The following HECW1 variants were observed in gnomAD, a reference collection of about 807,000 sequenced individuals.
HECW1 encodes the protein HECT, C2 and WW domain containing E3 ubiquitin protein ligase 1.
Under a neutral mutation model 182.3 loss-of-function variants are expected in HECW1, and 61 were observed. The observed-to-expected ratio is 0.33, with a 90% CI of 0.27 to 0.41. The LOEUF (loss-of-function observed/expected upper bound fraction) is 0.41. Ranked by LOEUF, HECW1 falls within the 10% of genes least tolerant of loss-of-function variation. The pLI, the probability that HECW1 is intolerant of heterozygous loss-of-function variation, is 1.00. For missense variants in HECW1, 1,739 were observed against 2,108.9 expected (o/e 0.82, Z 3.44); for synonymous variants, 859 against 832.6 (o/e 1.03, Z -0.55).
At chr7:43,339,565 G>A (rs1285621020) in intron 5 of HECW1, among the ~76,000 whole-genome samples, 1 of 152,110 alleles carries the variant, frequency 6.6e-6, no homozygotes, top group Non-Finnish European at 1.5e-5. Flanking sequence ...TCAGCATCAG[G>A]ATTCTGTTTC....
chr7:43,488,434 G>GAGAAGAAAGAAAGAA (rs1554440500), intron 17 of HECW1, among the ~76,000 whole-genome samples: 6 of 93,082 alleles, frequency 6.4e-5, no homozygotes, highest in African/African-American at 2.2e-4. Context: ...AAGAAAGAAA[G>GAGAAGAAAGAAAGAA]AGAAAGAAAG....
At chr7:43,289,635 G>A (rs1267246413) in intron 3 of HECW1, among the ~76,000 whole-genome samples, 2 of 152,200 alleles carry the variant, frequency 1.3e-5, no homozygotes, top group Non-Finnish European at 2.9e-5. Context: ...CCCATAGGTG[G>A]TCTTATTAAC....
chr7:43,565,315 T>G lies in HECW1; in HGVS notation c.*3389T>G, dbSNP rs898457216. 9.7e-6 allele frequency: 2 copies of G among 206,850 alleles called. No individual in the cohort carries two copies. The highest frequency in any genetic ancestry group is 1.5e-3 in the Middle Eastern group (1 of 662). The allele number at this position is 206,850 out of a possible 1,614,324, so 12.8% of individuals were successfully genotyped here. On this transcript the variant is annotated 3_prime_UTR_variant, in exon 30 of 30. Coordinates refer to ENST00000395891, the MANE Select transcript of HECW1 (RefSeq NM_015052.5). Reference sequence around the variant, plus strand: ...GAGCAGGCGTTAAACATGCAAGATCTAAATTTTCTTTTAATACATGACCAT... The same window carrying G: ...GAGCAGGCGTTAAACATGCAAGATCGAAATTTTCTTTTAATACATGACCAT...
intron 2 of HECW1, among the ~76,000 whole-genome samples, chr7:43,208,286 A>T (rs1188249291): frequency 1.3e-5 from 2 of 152,130 alleles, no homozygotes; most frequent in African/African-American, 4.8e-5. Flanking sequence ...TAGACATTTC[A>T]TTGTAGAATT....
chr7:43,143,282 TC>T (rs1255958783), intron 2 of HECW1, among the ~76,000 whole-genome samples: 1 of 151,954 alleles, frequency 6.6e-6, no homozygotes, highest in Non-Finnish European at 1.5e-5. Flanking sequence ...AGGCCGCCTT[TC>T]TTTTTTATAT....
intron 26 of HECW1, among the ~76,000 whole-genome samples, chr7:43,547,884 G>T (rs1585263236): frequency 6.6e-6 from 1 of 152,202 alleles, no homozygotes; most frequent in East Asian, 1.9e-4. Flanking sequence ...AAACACAGTG[G>T]AAAATATTCA....
At chr7:43,133,623 TTCTC>T (rs1023283467) in intron 2 of HECW1, among the ~76,000 whole-genome samples, 1 of 151,884 alleles carries the variant, frequency 6.6e-6, no homozygotes, top group Non-Finnish European at 1.5e-5. Context: ...CTCTCTTTCT[TTCTC>T]TGTTCCTTCC....
intron 5 of HECW1, among the ~76,000 whole-genome samples, chr7:43,346,668 A>G (rs993884958): frequency 1.3e-5 from 2 of 152,178 alleles, no homozygotes; most frequent in African/African-American, 2.4e-5. Context: ...TGATTTTTGT[A>G]TAAGGTGAGA....
At chr7:43,132,340 A>G (rs1787037136) in intron 2 of HECW1, among the ~76,000 whole-genome samples, 1 of 152,176 alleles carries the variant, frequency 6.6e-6, no homozygotes, top group Non-Finnish European at 1.5e-5. Context: ...AAAAAGTACA[A>G]TTTGTCTTCA....
At chr7:43,394,190 T>G (rs1439776341) in intron 6 of HECW1, among the ~76,000 whole-genome samples, 1 of 152,058 alleles carries the variant, frequency 6.6e-6, no homozygotes, top group South Asian at 2.1e-4. Context: ...ACTAAGGAAT[T>G]TGGAAGCCCT....
chr7:43,470,559 G>A (rs910587799), intron 16 of HECW1, among the ~76,000 whole-genome samples: 3 of 152,206 alleles, frequency 2.0e-5, no homozygotes, highest in Non-Finnish European at 4.4e-5. Flanking sequence ...GGGAAGCACA[G>A]AGATGCACTG....
intron 8 of HECW1, among the ~76,000 whole-genome samples, chr7:43,416,924 G>C (rs921354028): frequency 1.3e-5 from 2 of 152,026 alleles, no homozygotes; most frequent in Non-Finnish European, 2.9e-5. Context: ...TGCACCCACT[G>C]CCTGGCACTC....
intron 19 of HECW1, among the ~76,000 whole-genome samples, chr7:43,497,057 A>G (rs1729348837): frequency 6.6e-6 from 1 of 152,210 alleles, no homozygotes; most frequent in African/African-American, 2.4e-5. Flanking sequence ...GTTAAGTGCC[A>G]TGAAGAACAT....
chr7:43,296,584 C>T (rs1248397926), intron 3 of HECW1, among the ~76,000 whole-genome samples: 2 of 152,222 alleles, frequency 1.3e-5, no homozygotes, highest in African/African-American at 2.4e-5. Flanking sequence ...AACCCTGGTG[C>T]TCTGATGTCC....
At chr7:43,282,808 C>T (rs1804083883) in intron 3 of HECW1, among the ~76,000 whole-genome samples, 1 of 152,120 alleles carries the variant, frequency 6.6e-6, no homozygotes, top group Non-Finnish European at 1.5e-5. Context: ...ATATTCACAG[C>T]ATATCTTGAA....
chr7:43,129,730 C>A (rs564406639), intron 2 of HECW1, among the ~76,000 whole-genome samples: 2 of 152,094 alleles, frequency 1.3e-5, no homozygotes, highest in Non-Finnish European at 2.9e-5. Context: ...ACAGTTGTCC[C>A]TTGGTATCCA....
At chr7:43,253,180 A>C (rs1287213558) in intron 3 of HECW1, among the ~76,000 whole-genome samples, 3 of 152,124 alleles carry the variant, frequency 2.0e-5, no homozygotes, top group African/African-American at 7.2e-5. Context: ...CGTTTCGGGA[A>C]CCACTGGCAA....
chr7:43,274,261 C>G lies in HECW1; in HGVS notation c.27+30329C>G. On this transcript the variant is annotated intron_variant, in intron 3 of 29. Transcript: ENST00000395891. ...CTCTACTGCATGCGAATCTTTGCGC[C>G]TAAATCATGTCGTCGCCAAGTCCCG... 3 of 931,094 alleles carry G rather than the reference C, an allele frequency of 3.2e-6. No homozygotes were observed. In the East Asian group the frequency reaches 8.0e-5, roughly 25 times the overall value. The allele number at this position is 931,094 out of a possible 1,614,324, so 57.7% of individuals were successfully genotyped here. A position where few individuals can be genotyped will look rare whatever the true frequency, so the allele number is the denominator to read the frequency against.
At chr7:43,186,460 G>A (rs1042075994) in intron 2 of HECW1, among the ~76,000 whole-genome samples, 1 of 152,098 alleles carries the variant, frequency 6.6e-6, no homozygotes, top group South Asian at 2.1e-4. Flanking sequence ...GAGGTCAGGA[G>A]ATTGAGACCA....
Sources: allele counts gnomAD v4.1 joint callset (sites outside exome capture counted in the v4.1 genomes callset), GRCh38; gene constraint gnomAD v4.1.1; transcripts MANE v1.5; gene names NCBI Gene and HGNC (gene_info 2026-07-23, HGNC 2026-07-21).